The following SNTG1 variants were observed in gnomAD, a reference collection of about 807,000 sequenced individuals.
SNTG1 encodes syntrophin gamma 1, also known as gamma-1-syntrophin.
SNTG1 carries 39 observed loss-of-function variants against 74.7 expected under a neutral mutation model. That is an observed-to-expected ratio of 0.52 (90% CI 0.40 to 0.68). SNTG1 has a LOEUF of 0.68. Among genes scored for constraint, SNTG1 ranks in the 30% least tolerant of loss-of-function variants. SNTG1 has a pLI of 0.00. For synonymous variants in SNTG1, 254 were observed against 217.1 expected (o/e 1.17, Z -1.49); for missense variants, 685 against 609.5 (o/e 1.12, Z -1.30).
intron 2 of SNTG1, among the ~76,000 whole-genome samples, chr8:50,243,195 C>A (rs2086242796): frequency 6.6e-6 from 1 of 151,990 alleles, no homozygotes; most frequent in Non-Finnish European, 1.5e-5. Context: ...ATTTGAAAGA[C>A]CTCTGTGAAA....
chr8:50,471,446 A>G (rs1263600311), intron 8 of SNTG1, among the ~76,000 whole-genome samples: 1 of 152,208 alleles, frequency 6.6e-6, no homozygotes, highest in Non-Finnish European at 1.5e-5. Flanking sequence ...AATGGCTACA[A>G]TTCAAAAAAT....
At chr8:50,418,358 A>G (rs1022628887) in intron 4 of SNTG1, among the ~76,000 whole-genome samples, 3 of 152,016 alleles carry the variant, frequency 2.0e-5, no homozygotes, top group African/African-American at 7.2e-5. Flanking sequence ...GGTACCCTGC[A>G]TTCCTCTTTT....
At chr8:50,444,613 G>A (rs1161376997) in intron 5 of SNTG1, among the ~76,000 whole-genome samples, 2 of 151,994 alleles carry the variant, frequency 1.3e-5, no homozygotes, top group Non-Finnish European at 2.9e-5. Context: ...ATCCAGGCGT[G>A]GTGGCACACA....
At chr8:50,015,882 G>T (rs1037565844) in intron 1 of SNTG1, among the ~76,000 whole-genome samples, 1 of 152,238 alleles carries the variant, frequency 6.6e-6, no homozygotes, top group South Asian at 2.1e-4. Flanking sequence ...AAGAGGTCAG[G>T]TGAATATGGC....
intron 2 of SNTG1, among the ~76,000 whole-genome samples, chr8:50,348,633 C>A (rs986590906): frequency 6.6e-6 from 1 of 152,118 alleles, no homozygotes; most frequent in African/African-American, 2.4e-5. Flanking sequence ...AGAATACTTT[C>A]TATGTTCATT....
intron 15 of SNTG1, among the ~76,000 whole-genome samples, chr8:50,660,367 AGAG>A (rs1212851305): frequency 1.3e-4 from 18 of 133,726 alleles, no homozygotes; most frequent in African/African-American, 5.3e-4. Flanking sequence ...AAAGAGAGAG[AGAG>A]AAAGAAGGAA....
In SNTG1 at chr8:50,040,317, A is replaced by G. The variant is rs931530210; in HGVS notation, c.-103+128086A>G. On this transcript the variant is annotated intron_variant, in intron 1 of 18. Transcript: ENST00000642720. ...TTTTATAAAAATTATATATGTAAAA[A>G]AAATTTAGAAATAAATGAGACACAG... 2.6e-5 allele frequency among the ~76,000 whole-genome samples: 4 copies of G among 152,214 alleles called. No individual in the cohort carries two copies. In the East Asian group the frequency reaches 7.7e-4, roughly 29 times the overall value.
At chr8:49,979,563 C>G (rs1812492610) in intron 1 of SNTG1, among the ~76,000 whole-genome samples, 1 of 152,186 alleles carries the variant, frequency 6.6e-6, no homozygotes, top group African/African-American at 2.4e-5. Flanking sequence ...CACCAACGTC[C>G]TTGGGCTCCC....
At chr8:50,598,065 T>C (rs1213632500) in intron 13 of SNTG1, among the ~76,000 whole-genome samples, 2 of 151,874 alleles carry the variant, frequency 1.3e-5, no homozygotes, top group East Asian at 3.8e-4. Context: ...TGTTTTTTTT[T>C]AGTTTGATGC....
intron 17 of SNTG1, among the ~76,000 whole-genome samples, chr8:50,746,816 A>G (rs1020130105): frequency 4.7e-5 from 7 of 147,840 alleles, no homozygotes; most frequent in African/African-American, 1.7e-4. Flanking sequence ...ATATTTGCAT[A>G]TACATATTGT....
At chr8:50,260,718 A>G (rs1269340451) in intron 2 of SNTG1, among the ~76,000 whole-genome samples, 1 of 149,610 alleles carries the variant, frequency 6.7e-6, no homozygotes, top group Non-Finnish European at 1.5e-5. Flanking sequence ...AAGAGTAGAT[A>G]GGTAATGTAA....
At chr8:50,325,641 A>G (rs2090714730) in intron 2 of SNTG1, among the ~76,000 whole-genome samples, 1 of 152,092 alleles carries the variant, frequency 6.6e-6, no homozygotes, top group African/African-American at 2.4e-5. Context: ...TATGTACACT[A>G]TCAAGCTTGC....
chr8:50,757,796 TTAACA>T (rs1563812174), intron 18 of SNTG1, among the ~76,000 whole-genome samples: 1 of 151,948 alleles, frequency 6.6e-6, no homozygotes, highest in Non-Finnish European at 1.5e-5. Flanking sequence ...GTTTTAACAC[TTAACA>T]TAATTCTATT....
At chr8:50,479,194 A>T (rs1248969909) in intron 8 of SNTG1, among the ~76,000 whole-genome samples, 1 of 152,126 alleles carries the variant, frequency 6.6e-6, no homozygotes, top group Non-Finnish European at 1.5e-5. Context: ...TGAAGAAAGT[A>T]GTTTGGGGAT....
At chr8:50,043,055 C>T (rs1818779300) in intron 1 of SNTG1, among the ~76,000 whole-genome samples, 1 of 152,094 alleles carries the variant, frequency 6.6e-6, no homozygotes, top group Non-Finnish European at 1.5e-5. Context: ...ATTTATTTCC[C>T]TTCCTTTCTT....
rs144812185 is a variant in SNTG1, at chr8:50,540,518, G to A, written c.680+3710G>A. Among the ~76,000 whole-genome samples, 236 of 152,122 alleles carry A rather than the reference G, an allele frequency of 1.6e-3. 1 individual carries two copies. Among genetic ancestry groups the A allele is most frequent in the African/African-American group, 5.4e-3 (223 of 41,516 alleles). Reference sequence around the variant, plus strand: ...TATTTCAATTAGGTCATATGTGTTCGTTAGAGGCTCTGATCCTCTGCATCA... The same window carrying A: ...TATTTCAATTAGGTCATATGTGTTCATTAGAGGCTCTGATCCTCTGCATCA... On this transcript the variant is annotated intron_variant, in intron 11 of 18. Coordinates refer to ENST00000642720, the MANE Select transcript of SNTG1 (RefSeq NM_018967.5).
chr8:50,445,458 C>T (rs1391915578), intron 5 of SNTG1, among the ~76,000 whole-genome samples: 2 of 152,134 alleles, frequency 1.3e-5, no homozygotes, highest in African/African-American at 2.4e-5. Context: ...TCCTGATGCT[C>T]TAAAAGCATT....
At chr8:50,759,566 A>C (rs1441651209) in intron 18 of SNTG1, among the ~76,000 whole-genome samples, 1 of 151,990 alleles carries the variant, frequency 6.6e-6, no homozygotes, top group Non-Finnish European at 1.5e-5. Context: ...TAAATAGGGA[A>C]TCCCTTCCCC....
chr8:50,230,280 A>C (rs1235470756), intron 2 of SNTG1, among the ~76,000 whole-genome samples: 1 of 149,776 alleles, frequency 6.7e-6, no homozygotes, highest in East Asian at 2.0e-4. Context: ...TGTTTCTTGG[A>C]AAAGATTAAT....
Sources: gnomAD v4.1 joint callset for allele counts (sites outside exome capture counted in the v4.1 genomes callset) on GRCh38, gnomAD v4.1.1 for gene constraint, MANE v1.5 for transcripts, NCBI Gene and HGNC (gene_info 2026-07-23, HGNC 2026-07-21) for gene names.